CA10: variants seen among roughly 807,000 people sequenced by gnomAD.
CA10 encodes carbonic anhydrase-related protein 10.
A neutral mutation model predicts 44.2 loss-of-function variants in CA10; 14 were observed. That is an observed-to-expected ratio of 0.32 (90% confidence interval 0.21 to 0.50). The LOEUF (loss-of-function observed/expected upper bound fraction) is 0.50. Ranked by LOEUF, CA10 falls within the 20% of genes least tolerant of loss-of-function variation. CA10 has a pLI of 0.99. For missense variants in CA10, 350 were observed against 409.7 expected, an observed-to-expected ratio of 0.85 and a Z score of 1.26; for synonymous variants, 159 against 141.6, an observed-to-expected ratio of 1.12 and a Z score of -0.87.
intron 4 of CA10, among the ~76,000 whole-genome samples, chr17:51,726,594 A>C (rs1054760550): frequency 6.6e-6 from 1 of 152,232 alleles, no homozygotes; most frequent in East Asian, 1.9e-4. Flanking sequence ...TTTAAAATAT[A>C]TATAAAAAAA....
chr17:51,826,050 C>T (rs1352906408), intron 3 of CA10, among the ~76,000 whole-genome samples: 2 of 152,222 alleles, frequency 1.3e-5, no homozygotes, highest in African/African-American at 2.4e-5. Context: ...GTAATAACTA[C>T]TTGCTGAAGT....
At chr17:51,937,535 T>C (rs1451953021) in intron 2 of CA10, among the ~76,000 whole-genome samples, 4 of 152,140 alleles carry the variant, frequency 2.6e-5, no homozygotes, top group Non-Finnish European at 5.9e-5. Flanking sequence ...AGTTCTCCCA[T>C]TGAGAACTAG....
At chr17:51,980,887 A>G (rs1984631176) in intron 2 of CA10, among the ~76,000 whole-genome samples, 2 of 151,974 alleles carry the variant, frequency 1.3e-5, no homozygotes, top group South Asian at 4.1e-4. Flanking sequence ...TACTTCACAA[A>G]CAGTTATTTA....
chr17:51,989,709 T>C (rs1323221432), intron 2 of CA10, among the ~76,000 whole-genome samples: 1 of 152,070 alleles, frequency 6.6e-6, no homozygotes, highest in African/African-American at 2.4e-5. Context: ...GAACAGAATC[T>C]GTTTCTAACA....
At chr17:51,797,630 C>T (rs559751843) in intron 3 of CA10, among the ~76,000 whole-genome samples, 12 of 152,068 alleles carry the variant, frequency 7.9e-5, no homozygotes, top group African/African-American at 2.2e-4. Flanking sequence ...CTGAGGCAGG[C>T]GGATCACGAG....
chr17:51,647,102 A>T (rs1913372923), intron 6 of CA10, among the ~76,000 whole-genome samples: 2 of 152,042 alleles, frequency 1.3e-5, no homozygotes, highest in Non-Finnish European at 2.9e-5. Context: ...CATTTCTAGG[A>T]ATGTGTCTTC....
At chr17:51,871,359 A>C (rs1598092043) in intron 3 of CA10, among the ~76,000 whole-genome samples, 1 of 148,278 alleles carries the variant, frequency 6.7e-6, no homozygotes. Context: ...AGCCTCCCGA[A>C]TAGCTGGGAT....
rs1203939893 is a variant in CA10 at position 51,826,027 on chromosome 17, C to T, written c.280-78209G>A. On this transcript the variant is annotated intron_variant, in intron 3 of 8. Transcript: ENST00000451037. ...GTGTGTATTTCATCTTTGCATTGTG[C>T]AAAATAGCAATGGTAATAACTACTT... Among the ~76,000 whole-genome samples, 6 of 152,180 alleles carry T rather than the reference C, an allele frequency of 3.9e-5. 1 individual carries two copies. Among genetic ancestry groups the T allele is most frequent in the Non-Finnish European group, 4.4e-5 (3 of 68,038 alleles).
rs192544999 is a variant in CA10, at chr17:51,821,249, A to T, written c.280-73431T>A. ...TGAAAAAGCTCCTTCCCTTCATGGG[A>T]GCCCACAGTTAAAAAGGAAATAGAG... On this transcript the variant is annotated intron_variant, in intron 3 of 8. Transcript: ENST00000451037. 1.1e-4 allele frequency among the ~76,000 whole-genome samples: 17 copies of T among 150,416 alleles called. No homozygotes were observed. The East Asian group carries it at 3.1e-3, about 28-fold the overall frequency.
intron 2 of CA10, among the ~76,000 whole-genome samples, chr17:52,045,356 T>C (rs987215993): frequency 2.0e-4 from 25 of 126,680 alleles, no homozygotes; most frequent in African/African-American, 5.6e-4. Context: ...GCTTTATAGA[T>C]GGAAATTTGG....
intron 3 of CA10, among the ~76,000 whole-genome samples, chr17:51,906,417 C>T (rs1042233110): frequency 2.0e-4 from 30 of 152,082 alleles, no homozygotes; most frequent in African/African-American, 7.0e-4. Context: ...TCTGGATGTC[C>T]CTCCTTTCTC....
rs763453816 is a variant in CA10 at position 52,088,741 on chromosome 17, CTG to C, written c.62-16350_62-16349del. On this transcript the variant is annotated intron_variant, in intron 1 of 8. Transcript: ENST00000451037. Reference sequence around the variant, plus strand: ...CAAATTTCTGAGAATGCCAAGAACACTGTGTTTTTGTTATAAATGTTACATGC... The same window carrying C: ...CAAATTTCTGAGAATGCCAAGAACACTGTTTTTGTTATAAATGTTACATGC... Among the ~76,000 whole-genome samples, 6 of 152,142 alleles carry C rather than the reference CTG, an allele frequency of 3.9e-5. No individual in the cohort carries two copies. In the South Asian group the frequency reaches 8.3e-4, roughly 21 times the overall value.
chr17:51,859,567 C>T (rs1203671098), intron 3 of CA10, among the ~76,000 whole-genome samples: 1 of 152,126 alleles, frequency 6.6e-6, no homozygotes, highest in Non-Finnish European at 1.5e-5. Flanking sequence ...TTCACACAGG[C>T]CACTGAAGGG....
intron 2 of CA10, among the ~76,000 whole-genome samples, chr17:51,999,629 GA>G (rs1365449531): frequency 6.6e-6 from 1 of 152,028 alleles, no homozygotes; most frequent in Non-Finnish European, 1.5e-5. Context: ...TATCTGTGAA[GA>G]AGGATGCCAG....
chr17:51,870,981 T>C (rs947801627), intron 3 of CA10, among the ~76,000 whole-genome samples: 1 of 151,932 alleles, frequency 6.6e-6, no homozygotes, highest in Non-Finnish European at 1.5e-5. Context: ...AGACAAAACA[T>C]TGAATGGTAG....
intron 3 of CA10, among the ~76,000 whole-genome samples, chr17:51,808,814 G>C (rs1000858026): frequency 1.3e-5 from 2 of 152,136 alleles, no homozygotes; most frequent in Non-Finnish European, 2.9e-5. Context: ...GTTTAGGTAG[G>C]AGAACTAGAG....
intron 1 of CA10, among the ~76,000 whole-genome samples, chr17:52,078,300 C>T (rs1407052273): frequency 8.5e-5 from 13 of 152,172 alleles, no homozygotes; most frequent in Admixed American, 8.5e-4. Context: ...AGAGCCCTCA[C>T]AAAGGGATCC....
chr17:51,861,846 G>A (rs2143842422), intron 3 of CA10, among the ~76,000 whole-genome samples: 1 of 152,192 alleles, frequency 6.6e-6, no homozygotes, highest in East Asian at 1.9e-4. Flanking sequence ...ACACTTCAAA[G>A]GCTTATAGTG....
chr17:51,632,796 T>A (rs1204960122), intron 8 of CA10, among the ~76,000 whole-genome samples: 1 of 152,104 alleles, frequency 6.6e-6, no homozygotes, highest in Non-Finnish European at 1.5e-5. Flanking sequence ...GATTAACAGA[T>A]GTTTAGTAGT....
Sources: allele counts gnomAD v4.1 joint callset (sites outside exome capture counted in the v4.1 genomes callset), GRCh38; gene constraint gnomAD v4.1.1; transcripts MANE v1.5; gene names NCBI Gene and HGNC (gene_info 2026-07-23, HGNC 2026-07-21).